CLMN: variants seen among roughly 807,000 people sequenced by gnomAD.
The protein encoded by CLMN is calmin (calponin-like, transmembrane).
A neutral mutation model predicts 92.7 loss-of-function variants in CLMN; 57 were observed. The observed-to-expected ratio is 0.61, with a 90% CI of 0.50 to 0.77. CLMN has a LOEUF of 0.77. CLMN is among the 30% of genes least tolerant of loss of function. The pLI, the probability that CLMN is intolerant of heterozygous loss-of-function variation, is 0.00. For synonymous variants in CLMN, 466 were observed against 470.6 expected (o/e 0.99, Z 0.13); for missense variants, 1,158 against 1,237.5 (o/e 0.94, Z 0.96).
intron 1 of CLMN, among the ~76,000 whole-genome samples, chr14:95,292,708 C>G (rs748765047): frequency 3.3e-5 from 5 of 152,100 alleles, no homozygotes; most frequent in Non-Finnish European, 7.4e-5. Context: ...CTTGTGCCCC[C>G]ACTAAAAACA....
chr14:95,260,126 C>A (rs1422538959), intron 1 of CLMN, among the ~76,000 whole-genome samples: 12 of 152,182 alleles, frequency 7.9e-5, no homozygotes, highest in Non-Finnish European at 2.9e-5. Context: ...TCATTCTGTC[C>A]TGCATATTGG....
At chr14:95,242,773 A>AG (rs1401619986) in intron 1 of CLMN, among the ~76,000 whole-genome samples, 1 of 149,102 alleles carries the variant, frequency 6.7e-6, no homozygotes, top group Non-Finnish European at 1.5e-5. Flanking sequence ...TTCACTATAT[A>AG]GGCCAAGATG....
intron 9 of CLMN, 93 bp downstream of exon 9, chr14:95,202,745 G>T: frequency 3.0e-6 from 4 of 1,335,478 alleles, no homozygotes; most frequent in South Asian, 1.7e-5. Context: ...CCCCCTCATC[G>T]CTATTTTATG....
At chr14:95,206,200 C>A (rs1438308586) in intron 8 of CLMN, among the ~76,000 whole-genome samples, 2 of 152,200 alleles carry the variant, frequency 1.3e-5, no homozygotes, top group African/African-American at 4.8e-5. Context: ...ATAAAGCAAT[C>A]AAGTCATCAG....
intron 1 of CLMN, among the ~76,000 whole-genome samples, chr14:95,275,744 C>T (rs1899901882): frequency 6.6e-6 from 1 of 152,202 alleles, no homozygotes; most frequent in Non-Finnish European, 1.5e-5. Flanking sequence ...CTCACTGGAA[C>T]CTCTGCCTCC....
At chr14:95,244,025 CCT>C (rs1470508266) in intron 1 of CLMN, among the ~76,000 whole-genome samples, 2 of 152,098 alleles carry the variant, frequency 1.3e-5, no homozygotes. Flanking sequence ...GCACCTTCCC[CCT>C]CTCTCTTTTC....
intron 1 of CLMN, among the ~76,000 whole-genome samples, chr14:95,243,719 A>ATTTTTTTTTTT (rs35698997): frequency 7.2e-6 from 1 of 139,484 alleles, no homozygotes; most frequent in African/African-American, 2.7e-5. Flanking sequence ...AATCTCCTCT[A>ATTTTTTTTTTT]TTTTTTTTTT....
At position 95,194,256 on chromosome 14, in the gene CLMN, TGG is replaced by T; in HGVS notation, c.2769+278_2769+279del. 1 of 1,389,006 alleles carries T rather than the reference TGG, an allele frequency of 7.2e-7. No individual in the cohort carries two copies. The highest frequency in any genetic ancestry group is 9.3e-7 in the Non-Finnish European group (1 of 1,077,642). The allele number at this position is 1,389,006 out of a possible 1,614,324, so 86.0% of individuals were successfully genotyped here. ...CCTCTGTCTCTGAACGTGATCCTTCTGGGTGCGCGCGGGGTCCAGGTGAGGCG... is the reference window on the plus strand; with the variant it reads ...CCTCTGTCTCTGAACGTGATCCTTCTGTGCGCGCGGGGTCCAGGTGAGGCG... On this transcript the variant is annotated intron_variant, in intron 11 of 12. Transcript: ENST00000298912. This position sits in a 1 kb window ranked among gnomAD's most constrained non-coding sequence, Gnocchi z 4.0.
intron 1 of CLMN, among the ~76,000 whole-genome samples, chr14:95,318,792 GA>G (rs1006739046): frequency 6.6e-6 from 1 of 152,068 alleles, no homozygotes; most frequent in Admixed American, 6.5e-5. Flanking sequence ...GCCCATATAT[GA>G]AAAAAAAGAA....
intron 1 of CLMN, among the ~76,000 whole-genome samples, chr14:95,264,157 A>G (rs929981210): frequency 1.3e-5 from 2 of 151,936 alleles, no homozygotes; most frequent in Non-Finnish European, 2.9e-5. Flanking sequence ...CTCCCACCTT[A>G]GCCTCCTGAG....
At chr14:95,261,592 C>T (rs890593562) in intron 1 of CLMN, among the ~76,000 whole-genome samples, 3 of 152,240 alleles carry the variant, frequency 2.0e-5, no homozygotes, top group African/African-American at 7.2e-5. Flanking sequence ...AGAAAATACA[C>T]TTATCAGGGA....
At chr14:95,193,274 A>T in intron 12 of CLMN, 1 of 1,320,854 alleles carries the variant, frequency 7.6e-7, no homozygotes, top group Non-Finnish European at 1.1e-6. Context: ...CCAGCAATTC[A>T]GCAACATTAG....
chr14:95,288,268 G>A (rs1251864630), intron 1 of CLMN, among the ~76,000 whole-genome samples: 1 of 152,196 alleles, frequency 6.6e-6, no homozygotes, highest in African/African-American at 2.4e-5. Flanking sequence ...GCCATGATGT[G>A]GCTGATCCAG....
rs1900720795 is a variant in CLMN at position 95,294,311 on chromosome 14, A to C, written c.82+25400T>G. On this transcript the variant is annotated intron_variant, in intron 1 of 12. Transcript: ENST00000298912. This position sits in a 1 kb window ranked among gnomAD's most constrained non-coding sequence, Gnocchi z 4.2. ...ACCAAGAAAACAGAACAGCAGAATTACAGTTAAGATCGCTGCAATGAAGCA... is the reference window on the plus strand; with the variant it reads ...ACCAAGAAAACAGAACAGCAGAATTCCAGTTAAGATCGCTGCAATGAAGCA... Among the ~76,000 whole-genome samples, 1 of 152,244 alleles carries C rather than the reference A, an allele frequency of 6.6e-6. No individual in the cohort carries two copies. The highest frequency in any genetic ancestry group is 2.1e-4 in the South Asian group (1 of 4,832).
intron 1 of CLMN, among the ~76,000 whole-genome samples, chr14:95,293,987 A>G (rs996306996): frequency 2.0e-5 from 3 of 151,906 alleles, no homozygotes; most frequent in African/African-American, 4.8e-5. Context: ...GGAAGGTGCC[A>G]GCCCCACTGC....
At chr14:95,316,628 T>C (rs1901785787) in intron 1 of CLMN, among the ~76,000 whole-genome samples, 1 of 152,212 alleles carries the variant, frequency 6.6e-6, no homozygotes, top group African/African-American at 2.4e-5. Flanking sequence ...GCGTGAGAGA[T>C]AAAAGCCTTG....
At chr14:95,291,439 C>T (rs1900563362) in intron 1 of CLMN, among the ~76,000 whole-genome samples, 1 of 152,238 alleles carries the variant, frequency 6.6e-6, no homozygotes, top group African/African-American at 2.4e-5. Context: ...CACACATCCT[C>T]CTGGAAATAT....
chr14:95,243,563 A>G (rs1898340699), intron 1 of CLMN, among the ~76,000 whole-genome samples: 1 of 151,834 alleles, frequency 6.6e-6, no homozygotes, highest in African/African-American at 2.4e-5. Context: ...CCCTACTAAA[A>G]TTTTTCCTTT....
intron 1 of CLMN, among the ~76,000 whole-genome samples, chr14:95,248,544 C>T (rs1299653291): frequency 6.6e-6 from 1 of 152,196 alleles, no homozygotes; most frequent in Non-Finnish European, 1.5e-5. Flanking sequence ...CCAGATGTCA[C>T]TCATAGCATG....
Sources: allele counts gnomAD v4.1 joint callset (sites outside exome capture counted in the v4.1 genomes callset), GRCh38; gene constraint gnomAD v4.1.1; non-coding constraint Gnocchi (gnomAD v3.1); transcripts MANE v1.5; gene names NCBI Gene and HGNC (gene_info 2026-07-23, HGNC 2026-07-21).